Variants in DNAJC24 observed in about 807,000 individuals in gnomAD.
The protein encoded by DNAJC24 is dnaJ homolog subfamily C member 24.
A neutral mutation model predicts 18.0 loss-of-function variants in DNAJC24; 17 were observed. The ratio of observed to expected loss-of-function variants is 0.94; its 90% confidence interval spans 0.65 to 1.42. DNAJC24 has a LOEUF of 1.42. Ranked by LOEUF, DNAJC24 falls within the 40% of genes most tolerant of loss-of-function variation. The pLI is 0.00. For synonymous variants in DNAJC24, 55 were observed against 57.7 expected, an observed-to-expected ratio of 0.95 and a Z score of 0.21; for missense variants, 158 against 175.6, an observed-to-expected ratio of 0.90 and a Z score of 0.57.
chr11:31,370,777 A>G lies in DNAJC24; in HGVS notation c.29A>G (p.Lys10Arg). MMAVEQMPKKDWYSILGADP... is the reference protein window; with the variant it reads MMAVEQMPKRDWYSILGADP... ...ATGGCGGTTGAGCAGATGCCAAAAA[A>G]GGATTGGTACAGCATCCTGGGAGCA... Residue 10 changes from lysine to arginine, a missense_variant, in exon 2 of 5, where the codon AAG (lysine) becomes AGG (arginine). By Grantham distance (26) the Lys-to-Arg change is conservative. Coordinates refer to ENST00000465995, the MANE Select transcript of DNAJC24 (RefSeq NM_181706.5). 1 of 1,609,626 alleles carries G rather than the reference A, an allele frequency of 6.2e-7. No homozygotes were observed. Among genetic ancestry groups the G allele is most frequent in the African/African-American group, 1.3e-5 (1 of 74,846 alleles).
At chr11:31,414,984 G>A in intron 3 of DNAJC24, 35 bp downstream of exon 3, 1 of 1,602,930 alleles carries the variant, frequency 6.2e-7, no homozygotes, top group Non-Finnish European at 8.5e-7. Context: ...CAGCACATCG[G>A]CAACTCTTAG....
intron 2 of DNAJC24, among the ~76,000 whole-genome samples, chr11:31,377,146 A>G (rs1952324150): frequency 6.6e-6 from 1 of 152,136 alleles, no homozygotes; most frequent in Non-Finnish European, 1.5e-5. Flanking sequence ...AGGCACACGT[A>G]TTACATGTAA....
At chr11:31,429,158 G>C (rs930892683) in intron 4 of DNAJC24, among the ~76,000 whole-genome samples, 1 of 151,594 alleles carries the variant, frequency 6.6e-6, no homozygotes, top group African/African-American at 2.4e-5. Flanking sequence ...TCTGTATGGA[G>C]AGCAAAGGCA....
At chr11:31,398,719 A>G (rs1301273208) in intron 2 of DNAJC24, among the ~76,000 whole-genome samples, 6 of 152,228 alleles carry the variant, frequency 3.9e-5, no homozygotes, top group Admixed American at 6.5e-5. Flanking sequence ...ATCAATTAAT[A>G]TAAGAAAAGC....
chr11:31,412,557 C>T (rs9971609), intron 2 of DNAJC24, among the ~76,000 whole-genome samples: 107,497 of 152,058 alleles, frequency 0.71, 39,436 homozygotes, highest in African/African-American at 0.9. Context: ...GGGATATTGC[C>T]TTAATATCCC....
At chr11:31,396,006 C>T (rs1473473404) in intron 2 of DNAJC24, among the ~76,000 whole-genome samples, 1 of 152,126 alleles carries the variant, frequency 6.6e-6, no homozygotes, top group Admixed American at 6.5e-5. Flanking sequence ...CTTCATTGAC[C>T]TTGGTTCTTT....
At chr11:31,388,219 A>T (rs894673298) in intron 2 of DNAJC24, among the ~76,000 whole-genome samples, 12 of 152,152 alleles carry the variant, frequency 7.9e-5, no homozygotes, top group African/African-American at 2.7e-4. Context: ...ATAACAGAGA[A>T]CTTCTCAAAC....
At chr11:31,384,861 G>A (rs1006389963) in intron 2 of DNAJC24, 3 of 151,796 alleles carry the variant, frequency 2.0e-5, no homozygotes, top group Admixed American at 6.6e-5. Flanking sequence ...TGTTAGAATC[G>A]GGAAGAATAA....
intron 2 of DNAJC24, among the ~76,000 whole-genome samples, chr11:31,401,940 G>A (rs1221143738): frequency 2.0e-5 from 3 of 152,134 alleles, no homozygotes; most frequent in African/African-American, 4.8e-5. Context: ...AAGAGTTGCC[G>A]TTACATTACG....
At chr11:31,373,147 C>T (rs1002700801) in intron 2 of DNAJC24, among the ~76,000 whole-genome samples, 1 of 133,804 alleles carries the variant, frequency 7.5e-6, no homozygotes, top group Non-Finnish European at 1.7e-5. Flanking sequence ...AGGTCATTTT[C>T]TTAATGGTGT....
intron 2 of DNAJC24, among the ~76,000 whole-genome samples, chr11:31,399,648 G>A (rs1156567959): frequency 2.7e-5 from 4 of 150,062 alleles, no homozygotes; most frequent in African/African-American, 4.9e-5. Context: ...CCCTGACCTC[G>A]TGATCTGCCC....
intron 2 of DNAJC24, chr11:31,408,312 C>T: frequency 2.5e-6 from 1 of 403,828 alleles, no homozygotes. Flanking sequence ...TTCTGGAGTC[C>T]TCCCTCTGAA....
intron 2 of DNAJC24, among the ~76,000 whole-genome samples, chr11:31,399,571 G>A (rs1052854644): frequency 6.6e-5 from 10 of 151,652 alleles, no homozygotes; most frequent in East Asian, 1.9e-4. Flanking sequence ...ACGCCATCAC[G>A]CCCAGCTAAT....
intron 1 of DNAJC24, among the ~76,000 whole-genome samples, chr11:31,370,285 A>C (rs1249853583): frequency 6.6e-6 from 1 of 152,134 alleles, no homozygotes; most frequent in African/African-American, 2.4e-5. Context: ...AATGCCCCCA[A>C]ATTTATTTTA....
rs1341646221 is a variant in DNAJC24, at chr11:31,431,410, CA to C, written c.*1012del. On this transcript the variant is annotated 3_prime_UTR_variant, in exon 5 of 5. Transcript: ENST00000465995. ...AAATGATCCGCCCACCTCAACCTCC[CA>C]AAGTGCTGGGATTGCAGGCGTGAGC... The C allele has an allele frequency of 1.3e-5, 2 of 151,696 alleles. No homozygotes were observed. Among genetic ancestry groups the C allele is most frequent in the Non-Finnish European group, 2.9e-5 (2 of 67,964 alleles). The allele number at this position is 151,696 out of a possible 1,614,324, so 9.4% of individuals were successfully genotyped here.
At chr11:31,404,489 G>T (rs890832524) in intron 2 of DNAJC24, among the ~76,000 whole-genome samples, 1 of 152,146 alleles carries the variant, frequency 6.6e-6, no homozygotes, top group South Asian at 2.1e-4. Flanking sequence ...CAAGCTGGGG[G>T]TGGAAAGCAG....
chr11:31,376,762 G>A (rs1952319447), intron 2 of DNAJC24, among the ~76,000 whole-genome samples: 1 of 151,926 alleles, frequency 6.6e-6, no homozygotes, highest in Admixed American at 6.6e-5. Context: ...TTTTTTTCTG[G>A]ATTTCCATAG....
intron 2 of DNAJC24, among the ~76,000 whole-genome samples, chr11:31,379,145 C>T (rs1306458718): frequency 5.1e-4 from 77 of 151,940 alleles, no homozygotes; most frequent in Non-Finnish European, 8.8e-5. Context: ...GTCCCCAGTC[C>T]CCGCGCTGCA....
intron 2 of DNAJC24, among the ~76,000 whole-genome samples, chr11:31,393,761 A>T (rs73465027): frequency 0.015 from 2,241 of 152,300 alleles, 56 homozygotes; most frequent in African/African-American, 0.049. Flanking sequence ...ATATTTTGTT[A>T]TAGCAGCATA....
Sources: allele counts gnomAD v4.1 joint callset (sites outside exome capture counted in the v4.1 genomes callset), GRCh38; gene constraint gnomAD v4.1.1; transcripts MANE v1.5; gene names NCBI Gene and HGNC (gene_info 2026-07-23, HGNC 2026-07-21).